PCDHGB5: variants seen among roughly 807,000 people sequenced by gnomAD.
PCDHGB5 encodes the protein protocadherin gamma-B5.
A neutral mutation model predicts 62.9 loss-of-function variants in PCDHGB5; 48 were observed. That is an observed-to-expected ratio of 0.76 (90% CI 0.61 to 0.97). The LOEUF (loss-of-function observed/expected upper bound fraction) is 0.97, where lower values mean the gene tolerates loss of function less well. Among genes scored for constraint, PCDHGB5 ranks in the 50% least tolerant of loss-of-function variants. The pLI, the probability that PCDHGB5 is intolerant of heterozygous loss-of-function variation, is 0.00. For synonymous variants in PCDHGB5, 474 were observed against 511.2 expected (o/e 0.93, Z 0.98); for missense variants, 1,118 against 1,198.6 (o/e 0.93, Z 0.99).
At chr5:141,441,073 G>A (rs1591647632) in intron 1 of PCDHGB5, 1 of 152,152 alleles carries the variant, frequency 6.6e-6, no homozygotes, top group Non-Finnish European at 1.5e-5. Flanking sequence ...AATTTCCATG[G>A]TTTTGGTAGC....
chr5:141,418,452 A>C (rs2096259372), intron 1 of PCDHGB5: 5 of 1,614,024 alleles, frequency 3.1e-6, no homozygotes, highest in Non-Finnish European at 4.2e-6. Context: ...GTATTGCAGA[A>C]GACTCTGGAC....
intron 2 of PCDHGB5, among the ~76,000 whole-genome samples, chr5:141,496,180 GC>G (rs1054381604): frequency 1.4e-4 from 21 of 151,922 alleles, no homozygotes; most frequent in Non-Finnish European, 2.9e-4. Flanking sequence ...CATCCAAGCA[GC>G]CCCAGCTGCT....
At chr5:141,403,804 T>G (rs2094456767) in intron 1 of PCDHGB5, 1 of 1,613,764 alleles carries the variant, frequency 6.2e-7, no homozygotes, top group Non-Finnish European at 8.5e-7. Context: ...TCTGGAAAAT[T>G]AATGAAAAAC....
intron 1 of PCDHGB5, chr5:141,419,345 C>T (rs111954647): frequency 6.2e-6 from 10 of 1,613,858 alleles, no homozygotes; most frequent in African/African-American, 2.7e-5. Flanking sequence ...TGCCAGCGAC[C>T]TGGAGTCACG....
intron 1 of PCDHGB5, chr5:141,420,535 T>C (rs1322301404): frequency 6.2e-6 from 2 of 321,930 alleles, no homozygotes; most frequent in African/African-American, 4.3e-5. Flanking sequence ...CGGTTAAAAA[T>C]ATAAAATACA....
At chr5:141,423,772 A>G (rs767998260) in intron 1 of PCDHGB5, 39 of 1,219,850 alleles carry the variant, frequency 3.2e-5, no homozygotes, top group East Asian at 1.6e-4. Context: ...GGGGCGGCAT[A>G]TATTTAGTTC....
chr5:141,425,956 C>T (rs1221085532), intron 1 of PCDHGB5, among the ~76,000 whole-genome samples: 1 of 152,244 alleles, frequency 6.6e-6, no homozygotes, highest in Non-Finnish European at 1.5e-5. Flanking sequence ...ATACATTAGT[C>T]CAACACATCA....
intron 1 of PCDHGB5, chr5:141,430,780 C>G: frequency 6.6e-7 from 1 of 1,511,476 alleles, no homozygotes; most frequent in Non-Finnish European, 8.8e-7. Context: ...CGCGACTGCA[C>G]CGGGACTACA....
At chr5:141,425,484 TA>T (rs929097245) in intron 1 of PCDHGB5, among the ~76,000 whole-genome samples, 1 of 152,258 alleles carries the variant, frequency 6.6e-6, no homozygotes, top group African/African-American at 2.4e-5. Context: ...TATGGCAACC[TA>T]CTAGGCTATA....
chr5:141,501,374 T>A (rs2099808767), intron 2 of PCDHGB5, among the ~76,000 whole-genome samples: 1 of 151,106 alleles, frequency 6.6e-6, no homozygotes. Context: ...CATCATCTCT[T>A]AAATCCTAGG....
chr5:141,507,810 G>A (rs550331241), intron 3 of PCDHGB5, among the ~76,000 whole-genome samples: 1 of 152,290 alleles, frequency 6.6e-6, no homozygotes, highest in African/African-American at 2.4e-5. Context: ...CCTGGGGAAC[G>A]GACCCTGGGG....
chr5:141,422,940 C>G, intron 1 of PCDHGB5: 3 of 1,614,242 alleles, frequency 1.9e-6, no homozygotes, highest in Non-Finnish European at 1.7e-6. Context: ...TCCCCACAGA[C>G]GGCTCCACTG....
At chr5:141,509,032 A>G (rs2099873869) in intron 3 of PCDHGB5, among the ~76,000 whole-genome samples, 1 of 151,488 alleles carries the variant, frequency 6.6e-6, no homozygotes, top group African/African-American at 2.4e-5. Flanking sequence ...CTCCCACTCA[A>G]CCCCTCTCCC....
chr5:141,430,882 A>G, intron 1 of PCDHGB5: 3 of 1,601,068 alleles, frequency 1.9e-6, no homozygotes, highest in Non-Finnish European at 2.6e-6. Context: ...AGCTGGAGAA[A>G]GGCTCTAGGG....
At chr5:141,414,061 T>C in intron 1 of PCDHGB5, 1 of 1,609,248 alleles carries the variant, frequency 6.2e-7, no homozygotes, top group Non-Finnish European at 8.5e-7. Flanking sequence ...ATTGTTGAAG[T>C]TCCAACTAAA....
chr5:141,500,062 TAA>T (rs1314388217), intron 2 of PCDHGB5, among the ~76,000 whole-genome samples: 1 of 152,144 alleles, frequency 6.6e-6, no homozygotes, highest in East Asian at 1.9e-4. Flanking sequence ...TCTTTTAATG[TAA>T]AAGACTTCCC....
chr5:141,409,486 C>T, intron 1 of PCDHGB5: 1 of 1,613,992 alleles, frequency 6.2e-7, no homozygotes, highest in Non-Finnish European at 8.5e-7. Context: ...CTGACAGGGG[C>T]AAGCCGCCTC....
intron 1 of PCDHGB5, among the ~76,000 whole-genome samples, chr5:141,473,366 A>T (rs1292258135): frequency 1.3e-5 from 2 of 152,202 alleles, no homozygotes; most frequent in Non-Finnish European, 2.9e-5. Context: ...GGCCACCAAA[A>T]TAGCATGGTC....
intron 3 of PCDHGB5, among the ~76,000 whole-genome samples, chr5:141,510,624 A>C (rs2099881973): frequency 6.6e-6 from 1 of 152,164 alleles, no homozygotes; most frequent in African/African-American, 2.4e-5. Flanking sequence ...TAAAACCAGA[A>C]GAGGTGGTTA....
Sources: allele counts gnomAD v4.1 joint callset (sites outside exome capture counted in the v4.1 genomes callset), GRCh38; gene constraint gnomAD v4.1.1; transcripts MANE v1.5; gene names NCBI Gene and HGNC (gene_info 2026-07-23, HGNC 2026-07-21).